Variants in OTUD7A observed in about 807,000 individuals in gnomAD.
OTUD7A encodes OTU domain-containing protein 7A.
In OTUD7A, 12 loss-of-function variants were observed where a neutral mutation model predicts 65.7. The observed-to-expected ratio is 0.18, with a 90% CI of 0.12 to 0.30. The LOEUF is 0.30. Among genes scored for constraint, OTUD7A ranks in the 10% least tolerant of loss-of-function variants. OTUD7A has a pLI of 1.00. For missense variants in OTUD7A, 1,148 were observed against 1,304.8 expected (o/e 0.88, Z 1.85); for synonymous variants, 641 against 586.3 (o/e 1.09, Z -1.35).
chr15:31,526,486 AG>A, intron 7 of OTUD7A, 25 bp from the exon 8 acceptor site: 7 of 1,532,578 alleles, frequency 4.6e-6, no homozygotes, highest in Admixed American at 1.9e-5. Context: ...CCGGCTCAGA[AG>A]GGGGGTGGGC....
At chr15:31,553,691 C>G (rs1346214443) in intron 5 of OTUD7A, among the ~76,000 whole-genome samples, 7 of 151,918 alleles carry the variant, frequency 4.6e-5, no homozygotes, top group Admixed American at 3.9e-4. Context: ...GAGCCCCAGC[C>G]CTCCATCATC....
rs1246324438 is a variant in OTUD7A, at chr15:31,478,571, G to A, written c.*4723C>T. ...CTTCAGTGCTACTCTGCAACTACGT[G>A]TGTCTTCGGCTCAGCCTGGTGGGGC... On this transcript the variant is annotated 3_prime_UTR_variant, in exon 13 of 13. Transcript: ENST00000307050. 6.6e-6 allele frequency: 1 copy of A among 152,232 alleles called. No homozygotes were observed. The highest frequency in any genetic ancestry group is 1.5e-5 in the Non-Finnish European group (1 of 68,054). 9.4% of individuals were successfully genotyped at this position (152,232 alleles called of 1,614,324 possible).
rs368473294 is a variant in OTUD7A at position 31,477,515 on chromosome 15, C to A, written c.*5779G>T. On this transcript the variant is annotated 3_prime_UTR_variant, in exon 13 of 13. Transcript: ENST00000307050. ...TCACTTGTCTGTGAACAGAAGCCAC[C>A]GCTGCTGCCCGGTGTATCTAACCAT... 2.0e-5 allele frequency: 3 copies of A among 152,208 alleles called. No homozygotes were observed. The highest frequency in any genetic ancestry group is 7.2e-5 in the African/African-American group (3 of 41,428). The allele number at this position is 152,208 out of a possible 1,614,324, so 9.4% of individuals were successfully genotyped here. A position where few individuals can be genotyped will look rare whatever the true frequency, so the allele number is the denominator to read the frequency against.
intron 1 of OTUD7A, among the ~76,000 whole-genome samples, chr15:31,841,380 G>A (rs868011812): frequency 3.9e-5 from 6 of 152,118 alleles, no homozygotes; most frequent in Non-Finnish European, 7.4e-5. Flanking sequence ...TCCAAGGCAC[G>A]CTCTGAAACA....
chr15:31,860,678 T>TGTATATATATATATATAC (rs1567059930), intron 1 of OTUD7A, among the ~76,000 whole-genome samples: 1 of 6,822 alleles, frequency 1.5e-4, no homozygotes, highest in Non-Finnish European at 7.4e-4. Context: ...TGTATGTGTG[T>TGTATATATATATATATAC]ATATATATAT....
intron 3 of OTUD7A, among the ~76,000 whole-genome samples, chr15:31,583,105 A>C (rs781017067): frequency 2.6e-5 from 4 of 152,220 alleles, no homozygotes; most frequent in Non-Finnish European, 5.9e-5. Context: ...TGCCTGGTCC[A>C]TGTTGTGCCT....
At chr15:31,617,660 T>C (rs941471583) in intron 3 of OTUD7A, among the ~76,000 whole-genome samples, 1 of 152,120 alleles carries the variant, frequency 6.6e-6, no homozygotes. Context: ...ATGACTGTAG[T>C]TCTAGTTACC....
At position 31,736,594 on chromosome 15, in the gene OTUD7A, A is replaced by C. The variant is rs973029611; in HGVS notation, c.-99-79517T>G. On this transcript the variant is annotated intron_variant, in intron 1 of 12. Transcript: ENST00000307050. ...AAGCTGTGCCGACCAATGCACTATG[A>C]GATCAATGTATGTTCCAGGTGCCAT... 4.0e-4 allele frequency among the ~76,000 whole-genome samples: 61 copies of C among 152,194 alleles called. 2 individuals carry two copies. Among genetic ancestry groups the C allele is most frequent in the Non-Finnish European group, 2.9e-5 (2 of 68,038 alleles).
At chr15:31,848,456 A>C (rs1030016462) in intron 1 of OTUD7A, among the ~76,000 whole-genome samples, 5 of 152,136 alleles carry the variant, frequency 3.3e-5, no homozygotes, top group African/African-American at 1.2e-4. Flanking sequence ...ATTTTTAAAA[A>C]AAAACAGTTT....
At chr15:31,536,534 A>C (rs151000767) in intron 5 of OTUD7A, among the ~76,000 whole-genome samples, 1 of 152,242 alleles carries the variant, frequency 6.6e-6, no homozygotes, top group Admixed American at 6.5e-5. Context: ...AAAATTCTTT[A>C]AAAAAGAGAG....
At chr15:31,492,527 C>G (rs1824354) in intron 10 of OTUD7A, among the ~76,000 whole-genome samples, 114,693 of 150,818 alleles carry the variant, frequency 0.76, 43,862 homozygotes, top group African/African-American at 0.84. Context: ...GCAGTGAGAG[C>G]CTGCAAGATC....
At chr15:31,830,819 C>T (rs914104051) in intron 1 of OTUD7A, among the ~76,000 whole-genome samples, 8 of 152,184 alleles carry the variant, frequency 5.3e-5, no homozygotes, top group Non-Finnish European at 1.2e-4. Flanking sequence ...GACATCGTTG[C>T]CATGTTATGC....
intron 3 of OTUD7A, among the ~76,000 whole-genome samples, chr15:31,609,452 C>T (rs772690716): frequency 4.6e-5 from 7 of 152,048 alleles, no homozygotes; most frequent in Admixed American, 4.6e-4. Context: ...CCGAATTGCC[C>T]CACTTCCCTG....
At chr15:31,837,930 C>T (rs150165740) in intron 1 of OTUD7A, among the ~76,000 whole-genome samples, 331 of 152,272 alleles carry the variant, frequency 2.2e-3, no homozygotes, top group Middle Eastern at 0.01. Context: ...GAGGAACAGA[C>T]ACATAGATCA....
chr15:31,776,426 G>C (rs1220668143), intron 1 of OTUD7A, among the ~76,000 whole-genome samples: 1 of 152,188 alleles, frequency 6.6e-6, no homozygotes, highest in Admixed American at 6.5e-5. Context: ...GCAAGGCACA[G>C]GGGCAGCCTG....
intron 1 of OTUD7A, chr15:31,765,696 G>C: frequency 1.1e-6 from 1 of 877,744 alleles, no homozygotes; most frequent in Non-Finnish European, 1.8e-6. Context: ...CTCAGATATG[G>C]CTTCATTTAT....
intron 1 of OTUD7A, among the ~76,000 whole-genome samples, chr15:31,851,021 A>C (rs1411838136): frequency 6.6e-6 from 1 of 152,218 alleles, no homozygotes; most frequent in Admixed American, 6.5e-5. Context: ...TTACTTGGAG[A>C]CCAAAATAAT....
chr15:31,770,974 T>G (rs1055446943), intron 1 of OTUD7A, among the ~76,000 whole-genome samples: 1 of 152,194 alleles, frequency 6.6e-6, no homozygotes, highest in African/African-American at 2.4e-5. Context: ...GTGTGCATGC[T>G]CTGCACCTAC....
At chr15:31,648,315 G>C (rs1245146846) in intron 3 of OTUD7A, among the ~76,000 whole-genome samples, 1 of 152,158 alleles carries the variant, frequency 6.6e-6, no homozygotes, top group Non-Finnish European at 1.5e-5. Flanking sequence ...TAAAACAATA[G>C]CCAGGGAAGT....
Sources: allele counts gnomAD v4.1 joint callset (sites outside exome capture counted in the v4.1 genomes callset), GRCh38; gene constraint gnomAD v4.1.1; transcripts MANE v1.5; gene names NCBI Gene and HGNC (gene_info 2026-07-23, HGNC 2026-07-21).